The following HAPLN1 variants were observed in gnomAD, a reference collection of about 807,000 sequenced individuals.
HAPLN1 encodes the protein hyaluronan and proteoglycan link protein 1.
In HAPLN1, 13 loss-of-function variants were observed where a neutral mutation model predicts 36.5. The observed-to-expected ratio is 0.36, with a 90% CI of 0.23 to 0.57. HAPLN1 has a LOEUF of 0.57. Among genes scored for constraint, HAPLN1 ranks in the 20% least tolerant of loss-of-function variants. HAPLN1 has a pLI of 0.83. For synonymous variants in HAPLN1, 202 were observed against 169.8 expected (o/e 1.19, Z -1.48); for missense variants, 407 against 439.7 (o/e 0.93, Z 0.66).
At chr5:83,706,006 A>T (rs535595663) in intron 1 of HAPLN1, among the ~76,000 whole-genome samples, 23 of 151,800 alleles carry the variant, frequency 1.5e-4, no homozygotes, top group East Asian at 1.2e-3. Context: ...TTCTGGAAAC[A>T]TGCACCCTCC....
chr5:83,689,640 C>A (rs955350760), intron 1 of HAPLN1, among the ~76,000 whole-genome samples: 1 of 151,956 alleles, frequency 6.6e-6, no homozygotes, highest in Non-Finnish European at 1.5e-5. Context: ...ACAGTGAAAT[C>A]AAATGTGCAG....
chr5:83,640,546 TA>T lies in HAPLN1; in HGVS notation c.*949del, dbSNP rs1402587936. On this transcript the variant is annotated 3_prime_UTR_variant, in exon 5 of 5. Transcript: ENST00000274341. ...TAATGTAATTGATTTTCATATAATG[TA>T]AATATGAAATATTAAATCAGTTTAA... The T allele has an allele frequency of 2.6e-5, 4 of 152,204 alleles. No homozygotes were observed. Among genetic ancestry groups the T allele is most frequent in the Non-Finnish European group, 5.9e-5 (4 of 68,030 alleles). The allele number at this position is 152,204 out of a possible 1,614,324, so 9.4% of individuals were successfully genotyped here. A position where few individuals can be genotyped will look rare whatever the true frequency, so the allele number is the denominator to read the frequency against.
intron 1 of HAPLN1, among the ~76,000 whole-genome samples, chr5:83,711,125 C>G (rs1484853304): frequency 6.6e-6 from 1 of 152,044 alleles, no homozygotes; most frequent in African/African-American, 2.4e-5. Flanking sequence ...AAATATTATT[C>G]TACAAAAAGG....
At chr5:83,693,547 C>T (rs995982637) in intron 1 of HAPLN1, among the ~76,000 whole-genome samples, 1 of 150,672 alleles carries the variant, frequency 6.6e-6, no homozygotes, top group Admixed American at 6.7e-5. Context: ...CAGAGATTGT[C>T]AGGTTGGATT....
At chr5:83,714,030 C>T (rs905272311) in intron 1 of HAPLN1, among the ~76,000 whole-genome samples, 5 of 152,214 alleles carry the variant, frequency 3.3e-5, no homozygotes, top group Non-Finnish European at 7.4e-5. Context: ...AGCTGGGGAA[C>T]GGTTTGGGTT....
chr5:83,697,352 G>A (rs1241936165), intron 1 of HAPLN1, among the ~76,000 whole-genome samples: 2 of 152,048 alleles, frequency 1.3e-5, no homozygotes, highest in Non-Finnish European at 2.9e-5. Context: ...TGTTCATTCT[G>A]TAGCAAGTAT....
Position 83,710,353 on chromosome 5 carries a change from G to A in HAPLN1, c.-27+10436C>T, listed in dbSNP as rs550688188. Among the ~76,000 whole-genome samples, 6 of 152,252 alleles carry A rather than the reference G, an allele frequency of 3.9e-5. No individual in the cohort carries two copies. In the East Asian group the frequency reaches 9.7e-4, roughly 25 times the overall value. ...ATCTAGGAAAGAATGACGCCACAAAGCCCAAGGTAGAGATTGTTGTGAAGG... is the reference window on the plus strand; with the variant it reads ...ATCTAGGAAAGAATGACGCCACAAAACCCAAGGTAGAGATTGTTGTGAAGG... On this transcript the variant is annotated intron_variant, in intron 1 of 4. Transcript: ENST00000274341.
intron 1 of HAPLN1, among the ~76,000 whole-genome samples, chr5:83,703,061 G>A (rs957642942): frequency 6.6e-6 from 1 of 152,078 alleles, no homozygotes; most frequent in Admixed American, 6.6e-5. Context: ...TTACTTTTTG[G>A]TGTTTATCCT....
At chr5:83,685,228 A>G (rs139685901) in intron 1 of HAPLN1, among the ~76,000 whole-genome samples, 1 of 152,328 alleles carries the variant, frequency 6.6e-6, no homozygotes, top group East Asian at 1.9e-4. Context: ...AACTACTAGA[A>G]TGCAAGCTCC....
Position 83,641,312 on chromosome 5 carries a change from A to G in HAPLN1, c.*184T>C. 2.9e-6 allele frequency: 1 copy of G among 342,846 alleles called. No homozygotes were observed. Among genetic ancestry groups the G allele is most frequent in the Non-Finnish European group, 5.1e-6 (1 of 196,436 alleles). 21.2% of individuals were successfully genotyped at this position (342,846 alleles called of 1,614,324 possible). A position where few individuals can be genotyped will look rare whatever the true frequency, so the allele number is the denominator to read the frequency against. On this transcript the variant is annotated 3_prime_UTR_variant, in exon 5 of 5. Transcript: ENST00000274341. ...CCTTAAATTTATATTAATTTATAAT[A>G]TATATTGAATGATAGCTTTACAAAA...
At chr5:83,684,799 A>G (rs1751083973) in intron 1 of HAPLN1, among the ~76,000 whole-genome samples, 1 of 152,182 alleles carries the variant, frequency 6.6e-6, no homozygotes, top group African/African-American at 2.4e-5. Flanking sequence ...CCAGTGCCAC[A>G]TCACTGCAGG....
intron 3 of HAPLN1, among the ~76,000 whole-genome samples, chr5:83,647,988 T>A (rs774167965): frequency 6.6e-6 from 1 of 152,180 alleles, no homozygotes; most frequent in Non-Finnish European, 1.5e-5. Context: ...GGAAGATAAA[T>A]ACAATGGAAG....
intron 1 of HAPLN1, among the ~76,000 whole-genome samples, chr5:83,701,704 G>A (rs143568411): frequency 0.11 from 16,435 of 152,226 alleles, 1,124 homozygotes; most frequent in Non-Finnish European, 0.16. Flanking sequence ...TTGGGAGGCC[G>A]AGGCGGGTGG....
intron 1 of HAPLN1, among the ~76,000 whole-genome samples, chr5:83,676,320 T>C (rs556153902): frequency 4.6e-5 from 7 of 152,202 alleles, no homozygotes; most frequent in Non-Finnish European, 8.8e-5. Context: ...AACTTGTGAT[T>C]AGAGGCCTCT....
intron 1 of HAPLN1, among the ~76,000 whole-genome samples, chr5:83,709,898 G>A (rs1751736337): frequency 6.6e-6 from 1 of 152,212 alleles, no homozygotes; most frequent in Non-Finnish European, 1.5e-5. Flanking sequence ...GGAAGGTCAG[G>A]ATTTATGCTA....
chr5:83,716,803 G>A lies in HAPLN1; in HGVS notation c.-27+3986C>T, dbSNP rs186015674. Among the ~76,000 whole-genome samples the A allele has an allele frequency of 3.9e-4, 60 of 152,260 alleles. No individual in the cohort carries two copies. The East Asian group carries it at 8.3e-3, about 21-fold the overall frequency. On this transcript the variant is annotated intron_variant, in intron 1 of 4. Transcript: ENST00000274341. ...TCCCAGTACTTTGGGAGGCCGAGGC[G>A]GGTGGATCACCTGAGGTCAGGAGTT... is the stretch of plus-strand genomic sequence containing the variant.
intron 1 of HAPLN1, among the ~76,000 whole-genome samples, chr5:83,718,828 GA>G (rs1404836420): frequency 3.3e-5 from 5 of 152,114 alleles, no homozygotes; most frequent in African/African-American, 1.2e-4. Context: ...AAAAAGAAAT[GA>G]AAAAGAAAAC....
chr5:83,701,417 C>T (rs1042525115), intron 1 of HAPLN1, among the ~76,000 whole-genome samples: 4 of 152,158 alleles, frequency 2.6e-5, no homozygotes, highest in Non-Finnish European at 4.4e-5. Context: ...TTTCTGCTAC[C>T]GCAGGTGTTT....
At chr5:83,653,664 T>C (rs1218530635) in intron 2 of HAPLN1, among the ~76,000 whole-genome samples, 1 of 152,246 alleles carries the variant, frequency 6.6e-6, no homozygotes, top group Non-Finnish European at 1.5e-5. Flanking sequence ...CTTCCACCTT[T>C]CCTTTCCTTG....
Sources: gnomAD v4.1 joint callset for allele counts (sites outside exome capture counted in the v4.1 genomes callset) on GRCh38, gnomAD v4.1.1 for gene constraint, MANE v1.5 for transcripts, NCBI Gene and HGNC (gene_info 2026-07-23, HGNC 2026-07-21) for gene names.